Variants in SEPTIN14 observed in about 807,000 individuals in gnomAD.
SEPTIN14 encodes the protein septin 14.
A neutral mutation model predicts 53.6 loss-of-function variants in SEPTIN14; 40 were observed. That is an observed-to-expected ratio of 0.75 (90% CI 0.58 to 0.97). The LOEUF (loss-of-function observed/expected upper bound fraction) is 0.97, where lower values mean the gene tolerates loss of function less well. SEPTIN14 is among the 50% of genes least tolerant of loss of function. The pLI is 0.00. For synonymous variants in SEPTIN14, 138 were observed against 166.8 expected, an observed-to-expected ratio of 0.83 and a Z score of 1.33; for missense variants, 471 against 508.2, an observed-to-expected ratio of 0.93 and a Z score of 0.70.
chr7:55,801,916 G>A (rs1343729079), intron 9 of SEPTIN14, among the ~76,000 whole-genome samples: 1 of 151,878 alleles, frequency 6.6e-6, no homozygotes, highest in Non-Finnish European at 1.5e-5. Flanking sequence ...GCGAGATCTT[G>A]TCTTAAATAG....
At chr7:55,862,051 A>G (rs763982775) in intron 1 of SEPTIN14, 40 bp from the exon 2 acceptor site, 227 of 1,244,344 alleles carry the variant, frequency 1.8e-4, no homozygotes, top group Non-Finnish European at 1.7e-4. Context: ...AAAATTTCTT[A>G]CAAAGGCTAT....
intron 5 of SEPTIN14, among the ~76,000 whole-genome samples, chr7:55,838,328 A>G (rs1789244780): frequency 6.6e-6 from 1 of 152,152 alleles, no homozygotes; most frequent in African/African-American, 2.4e-5. Context: ...CCAGGATCAC[A>G]AAAGCTTTCT....
At chr7:55,804,042 A>G (rs2115958069) in intron 9 of SEPTIN14, among the ~76,000 whole-genome samples, 1 of 145,550 alleles carries the variant, frequency 6.9e-6, no homozygotes, top group Admixed American at 7.0e-5. Context: ...AGGCTGGGGC[A>G]GGAGAATGGC....
intron 7 of SEPTIN14, among the ~76,000 whole-genome samples, chr7:55,817,913 C>T (rs2115990034): frequency 6.6e-6 from 1 of 152,174 alleles, no homozygotes; most frequent in Non-Finnish European, 1.5e-5. Context: ...TACATAAGTA[C>T]ATAAAATTTT....
At chr7:55,824,486 C>T (rs1323476389) in intron 6 of SEPTIN14, among the ~76,000 whole-genome samples, 8 of 152,042 alleles carry the variant, frequency 5.3e-5, no homozygotes, top group Non-Finnish European at 1.2e-4. Flanking sequence ...AAATAAAACT[C>T]AGTAATTTTT....
chr7:55,849,176 T>C (rs1789476234), intron 2 of SEPTIN14, among the ~76,000 whole-genome samples: 3 of 150,968 alleles, frequency 2.0e-5, no homozygotes, highest in South Asian at 4.2e-4. Flanking sequence ...TATACAAAAA[T>C]GAACCCGGCA....
At chr7:55,826,355 T>C (rs1020898824) in intron 6 of SEPTIN14, among the ~76,000 whole-genome samples, 2 of 152,182 alleles carry the variant, frequency 1.3e-5, no homozygotes, top group African/African-American at 4.8e-5. Flanking sequence ...GAGAAAAACA[T>C]CTTGTCCCAT....
chr7:55,821,944 T>C (rs1211270046), intron 6 of SEPTIN14, among the ~76,000 whole-genome samples: 1 of 152,148 alleles, frequency 6.6e-6, no homozygotes, highest in Non-Finnish European at 1.5e-5. Flanking sequence ...AGAAGCATGG[T>C]GGGAAGTGAA....
intron 6 of SEPTIN14, among the ~76,000 whole-genome samples, chr7:55,826,799 G>GAAAA (rs201714281): frequency 1.5e-5 from 2 of 130,706 alleles, no homozygotes; most frequent in South Asian, 2.4e-4. Flanking sequence ...CACTGTCCCA[G>GAAAA]AAAAAAAAAA....
intron 7 of SEPTIN14, among the ~76,000 whole-genome samples, chr7:55,808,002 T>C (rs899333694): frequency 3.3e-5 from 5 of 152,026 alleles, no homozygotes; most frequent in African/African-American, 1.2e-4. Flanking sequence ...CTTCTAAATA[T>C]ATAAGGCAAA....
chr7:55,842,489 G>T (rs1016864695), intron 5 of SEPTIN14, among the ~76,000 whole-genome samples: 2 of 151,908 alleles, frequency 1.3e-5, no homozygotes, highest in Non-Finnish European at 2.9e-5. Context: ...TCCTGTCCCA[G>T]TTGCTCGGAT....
At position 55,819,205 on chromosome 7, in the gene SEPTIN14, C is replaced by G; in HGVS notation, c.739G>C (p.Val247Leu). 6.4e-7 allele frequency: 1 copy of G among 1,571,056 alleles called. No homozygotes were observed. Among genetic ancestry groups the G allele is most frequent in the Non-Finnish European group, 8.6e-7 (1 of 1,156,676 alleles). Reference sequence around the variant, plus strand: ...TTCACTTCATCTGTACTCCCTACCACAGCAAAGGGTAACAGCCCCTAGAAA... The same window carrying G: ...TTCACTTCATCTGTACTCCCTACCAGAGCAAAGGGTAACAGCCCCTAGAAA... ...SSVSGLLPFA[V>L]VGSTDEVKVG... The change falls in exon 7 of 10, where the codon GTG (valine) becomes CTG (leucine). Residue 247 changes from valine (V) to leucine (L), a missense_variant. By Grantham distance (32) the Val-to-Leu change is conservative. Coordinates refer to ENST00000388975, the MANE Select transcript of SEPTIN14 (RefSeq NM_207366.3).
intron 6 of SEPTIN14, among the ~76,000 whole-genome samples, chr7:55,827,274 G>T (rs1789005134): frequency 6.6e-6 from 1 of 152,232 alleles, no homozygotes; most frequent in African/African-American, 2.4e-5. Context: ...ACACAAAGGA[G>T]CAGCGTTCCT....
At chr7:55,849,504 G>C (rs541435403) in intron 2 of SEPTIN14, among the ~76,000 whole-genome samples, 93 of 151,920 alleles carry the variant, frequency 6.1e-4, no homozygotes, top group Middle Eastern at 3.5e-3. Context: ...CCAGCACTTT[G>C]GGAGGCTGAG....
chr7:55,857,673 C>T (rs1789665260), intron 2 of SEPTIN14, among the ~76,000 whole-genome samples: 1 of 144,414 alleles, frequency 6.9e-6, no homozygotes, highest in Admixed American at 7.0e-5. Context: ...CTGCAAGCTC[C>T]GCCTCCCGGG....
At chr7:55,807,666 AG>A (rs1485375987) in intron 7 of SEPTIN14, among the ~76,000 whole-genome samples, 3 of 152,170 alleles carry the variant, frequency 2.0e-5, no homozygotes, top group African/African-American at 7.2e-5. Flanking sequence ...GCTAGCAAAA[AG>A]GCCTTACAAT....
chr7:55,814,159 C>T (rs1788753576), intron 7 of SEPTIN14, among the ~76,000 whole-genome samples: 1 of 152,196 alleles, frequency 6.6e-6, no homozygotes, highest in South Asian at 2.1e-4. Flanking sequence ...GCTGGCGTCA[C>T]AGTGTTACTG....
chr7:55,839,797 C>G lies in SEPTIN14; in HGVS notation c.558+3145G>C, dbSNP rs575467520. 6.6e-5 allele frequency among the ~76,000 whole-genome samples: 10 copies of G among 152,224 alleles called. No individual in the cohort carries two copies. The South Asian group carries it at 2.1e-3, about 32-fold the overall frequency. On this transcript the variant is annotated intron_variant, in intron 5 of 9. Coordinates refer to ENST00000388975, the MANE Select transcript of SEPTIN14 (RefSeq NM_207366.3). ...TTTGTATGTTGAAGCCTCAACCCCCCAGTACCTCAGAATGTGACCTCAACT... is the reference window on the plus strand; with the variant it reads ...TTTGTATGTTGAAGCCTCAACCCCCGAGTACCTCAGAATGTGACCTCAACT...
intron 6 of SEPTIN14, among the ~76,000 whole-genome samples, chr7:55,829,747 G>C (rs1476855257): frequency 6.8e-6 from 1 of 147,942 alleles, no homozygotes; most frequent in Non-Finnish European, 1.5e-5. Context: ...TTTGAACCTG[G>C]GAGGCAGAGG....
Sources: gnomAD v4.1 joint callset for allele counts (sites outside exome capture counted in the v4.1 genomes callset) on GRCh38, gnomAD v4.1.1 for gene constraint, MANE v1.5 for transcripts, NCBI Gene and HGNC (gene_info 2026-07-23, HGNC 2026-07-21) for gene names.